DARS1: variants seen among roughly 807,000 people sequenced by gnomAD.
DARS1 encodes the protein aspartate--tRNA ligase, cytoplasmic.
Under a neutral mutation model 68.8 loss-of-function variants are expected in DARS1, and 51 were observed. That is an observed-to-expected ratio of 0.74 (90% CI 0.59 to 0.94). The LOEUF is 0.94. Ranked by LOEUF, DARS1 falls within the 40% of genes least tolerant of loss-of-function variation. The pLI, the probability that DARS1 is intolerant of heterozygous loss-of-function variation, is 0.00. For missense variants in DARS1, 607 were observed against 597.3 expected, an observed-to-expected ratio of 1.02 and a Z score of -0.17; for synonymous variants, 203 against 190.4, an observed-to-expected ratio of 1.07 and a Z score of -0.55.
intron 2 of DARS1, among the ~76,000 whole-genome samples, chr2:135,981,271 C>T (rs529461988): frequency 6.6e-6 from 1 of 152,182 alleles, no homozygotes; most frequent in Non-Finnish European, 1.5e-5. Context: ...CTTTGTGTTA[C>T]AGCTCAAGGA....
chr2:135,973,998 A>G (rs1011858075), intron 3 of DARS1, among the ~76,000 whole-genome samples: 3 of 152,256 alleles, frequency 2.0e-5, no homozygotes, highest in African/African-American at 7.2e-5. Flanking sequence ...CTGTTTCAAA[A>G]TATTTCAAGT....
At chr2:135,944,501 T>C (rs1345875128) in intron 4 of DARS1, among the ~76,000 whole-genome samples, 1 of 151,512 alleles carries the variant, frequency 6.6e-6, no homozygotes, top group African/African-American at 2.4e-5. Context: ...AGGTGAAGAG[T>C]AGTTAAGAAA....
Position 135,968,290 on chromosome 2 carries a change from T to A in DARS1, c.218-6792A>T, listed in dbSNP as rs1682283411. Among the ~76,000 whole-genome samples, 3 of 152,094 alleles carry A rather than the reference T, an allele frequency of 2.0e-5. No individual in the cohort carries two copies. In the South Asian group the frequency reaches 6.2e-4, roughly 32 times the overall value. Reference sequence around the variant, plus strand: ...AAAAATAAATAAAGATAATCTACATTGGCAGAAATAAAAAACACTGACAAT... The same window carrying A: ...AAAAATAAATAAAGATAATCTACATAGGCAGAAATAAAAAACACTGACAAT... On this transcript the variant is annotated intron_variant, in intron 3 of 15. Transcript: ENST00000264161.
chr2:135,924,775 A>G (rs1299145280), intron 7 of DARS1, among the ~76,000 whole-genome samples: 1 of 152,174 alleles, frequency 6.6e-6, no homozygotes, highest in Admixed American at 6.5e-5. Flanking sequence ...AATGTTTCTT[A>G]ACAATTAGTG....
intron 4 of DARS1, among the ~76,000 whole-genome samples, chr2:135,959,110 G>A (rs2104831887): frequency 6.6e-6 from 1 of 152,110 alleles, no homozygotes; most frequent in Admixed American, 6.6e-5. Flanking sequence ...GATCACCCAT[G>A]GCCGGCTGCG....
chr2:135,940,887 T>C (rs1027578174), intron 5 of DARS1, among the ~76,000 whole-genome samples: 2 of 152,108 alleles, frequency 1.3e-5, no homozygotes, highest in Non-Finnish European at 2.9e-5. Flanking sequence ...GAGAGCCAAA[T>C]CATGAGTGAA....
chr2:135,924,809 T>C (rs771385201), intron 7 of DARS1, among the ~76,000 whole-genome samples: 1 of 152,198 alleles, frequency 6.6e-6, no homozygotes, highest in African/African-American at 2.4e-5. Context: ...GTGAATGGTC[T>C]GTTTTTTTTA....
chr2:135,966,009 C>G (rs937653430), intron 3 of DARS1, among the ~76,000 whole-genome samples: 9 of 152,154 alleles, frequency 5.9e-5, no homozygotes, highest in African/African-American at 2.2e-4. Context: ...GGTGACACAC[C>G]TTACTGCATG....
rs761071417 is a variant in DARS1 at position 135,979,349 on chromosome 2, C to A, written c.142G>T (p.Val48Phe). 6.9e-7 allele frequency: 1 copy of A among 1,444,312 alleles called. No individual in the cohort carries two copies. The highest frequency in any genetic ancestry group is 9.8e-7 in the Non-Finnish European group (1 of 1,024,942). The allele number at this position is 1,444,312 out of a possible 1,614,324, so 89.5% of individuals were successfully genotyped here. A position where few individuals can be genotyped will look rare whatever the true frequency, so the allele number is the denominator to read the frequency against. The change falls in exon 3 of 16, where the codon GTT (valine) becomes TTT (phenylalanine). Residue 48 changes from valine to phenylalanine, a missense_variant. Coordinates refer to ENST00000264161, the MANE Select transcript of DARS1 (RefSeq NM_001349.4). ...QEKPDRVLVR[V>F]RDLTIQKADE... ...GCTTTTTGTATTGTCAAGTCTCTAA[C>A]CCGAACCAAAACTCGATCTGTAATA...
chr2:135,972,717 G>A (rs1682401146), intron 3 of DARS1, among the ~76,000 whole-genome samples: 1 of 152,060 alleles, frequency 6.6e-6, no homozygotes, highest in Admixed American at 6.5e-5. Flanking sequence ...AGGAGCTCAA[G>A]CAACTCTACA....
At chr2:135,949,933 C>T (rs1681807073) in intron 4 of DARS1, among the ~76,000 whole-genome samples, 2 of 152,164 alleles carry the variant, frequency 1.3e-5, no homozygotes, top group African/African-American at 4.8e-5. Context: ...ATAAGCACTT[C>T]AGATTTAATA....
At chr2:135,951,815 C>A (rs1200331928) in intron 4 of DARS1, among the ~76,000 whole-genome samples, 26 of 152,212 alleles carry the variant, frequency 1.7e-4, no homozygotes, top group Admixed American at 1.7e-3. Context: ...AAATAACTTA[C>A]AAACTGCCTT....
At chr2:135,964,701 C>T (rs984104818) in intron 3 of DARS1, among the ~76,000 whole-genome samples, 1 of 151,666 alleles carries the variant, frequency 6.6e-6, no homozygotes, top group Non-Finnish European at 1.5e-5. Flanking sequence ...ATTAGCCGGG[C>T]GTGGTGGCAG....
chr2:135,971,912 G>T (rs1682378676), intron 3 of DARS1, among the ~76,000 whole-genome samples: 1 of 151,754 alleles, frequency 6.6e-6, no homozygotes, highest in African/African-American at 2.4e-5. Flanking sequence ...AAAAACTATA[G>T]AACACTATTG....
At chr2:135,963,522 C>T (rs1558796305) in intron 3 of DARS1, among the ~76,000 whole-genome samples, 2 of 151,826 alleles carry the variant, frequency 1.3e-5, no homozygotes, top group Non-Finnish European at 2.9e-5. Context: ...CAGGCACGTG[C>T]CACCAGGCCT....
intron 3 of DARS1, among the ~76,000 whole-genome samples, chr2:135,973,242 T>TA (rs1437567912): frequency 2.0e-5 from 3 of 152,042 alleles, no homozygotes; most frequent in African/African-American, 4.8e-5. Context: ...TATCCAGCCA[T>TA]AAAAAAGAAT....
At chr2:135,952,200 C>T (rs1428872653) in intron 4 of DARS1, among the ~76,000 whole-genome samples, 5 of 152,296 alleles carry the variant, frequency 3.3e-5, no homozygotes, top group South Asian at 4.1e-4. Flanking sequence ...GCCGAGATTG[C>T]ACCACTGCAC....
intron 4 of DARS1, among the ~76,000 whole-genome samples, chr2:135,951,044 A>G (rs1052135268): frequency 6.6e-6 from 1 of 152,232 alleles, no homozygotes; most frequent in Admixed American, 6.5e-5. Flanking sequence ...ATGAGGTCCA[A>G]CGGAAAATGA....
chr2:135,985,170 G>C, intron 1 of DARS1: 2 of 603,196 alleles, frequency 3.3e-6, no homozygotes, highest in East Asian at 2.9e-5. Context: ...CCCCACCCCG[G>C]GGACACGCTT....
Sources: gnomAD v4.1 joint callset for allele counts (sites outside exome capture counted in the v4.1 genomes callset) on GRCh38, gnomAD v4.1.1 for gene constraint, MANE v1.5 for transcripts, NCBI Gene and HGNC (gene_info 2026-07-23, HGNC 2026-07-21) for gene names.